Variants in SYTL2 observed in about 807,000 individuals in gnomAD.
SYTL2 encodes the protein synaptotagmin-like protein 2.
A neutral mutation model predicts 198.7 loss-of-function variants in SYTL2; 165 were observed. The observed-to-expected ratio is 0.83, with a 90% confidence interval of 0.73 to 0.94. The LOEUF (loss-of-function observed/expected upper bound fraction) is 0.94, where lower values mean the gene tolerates loss of function less well. SYTL2 is among the 40% of genes least tolerant of loss of function. The pLI, the probability that SYTL2 is intolerant of heterozygous loss-of-function variation, is 0.00. For synonymous variants in SYTL2, 966 were observed against 917.7 expected (o/e 1.05, Z -0.95); for missense variants, 2,835 against 2,582.8 (o/e 1.10, Z -2.12).
chr11:85,836,922 T>C, the SYTL2 span, among the ~76,000 whole-genome samples: 1 of 152,206 alleles, frequency 6.6e-6, no homozygotes, highest in African/African-American at 2.4e-5. Flanking sequence ...TCTGGCATTT[T>C]TAACCCTCAG....
Position 85,725,302 on chromosome 11 carries a change from A to G in SYTL2, c.4056T>C (p.Ile1352=). The G allele has an allele frequency of 6.2e-7, 1 of 1,614,104 alleles. No homozygotes were observed. The highest frequency in any genetic ancestry group is 8.5e-7 in the Non-Finnish European group (1 of 1,179,988). ...GAATGACTTTCTCTACAGTCTCCGA[A>G]ATTTCCGTTTGAGAAGGGTGTACCC... ...QARVHPSQTE[I]SETVEKVILP... is the part of the protein sequence containing the mutation. Residue 1352 remains isoleucine, a synonymous_variant, in exon 8 of 20, where the codon ATT becomes ATC. Coordinates refer to ENST00000359152, the MANE Select transcript of SYTL2 (RefSeq NM_206927.4).
chr11:85,851,147 G>A, the SYTL2 span, among the ~76,000 whole-genome samples: 2 of 151,780 alleles, frequency 1.3e-5, no homozygotes, highest in African/African-American at 4.8e-5. Context: ...TGCACCATGT[G>A]CACATGTACC....
At chr11:85,798,024 T>TC (rs1400677542) in intron 1 of SYTL2, among the ~76,000 whole-genome samples, 1 of 151,394 alleles carries the variant, frequency 6.6e-6, no homozygotes, top group Non-Finnish European at 1.5e-5. Flanking sequence ...AGCTATTTTT[T>TC]TTTTTTTCAT....
intron 3 of SYTL2, among the ~76,000 whole-genome samples, chr11:85,746,369 C>T (rs919010804): frequency 6.6e-6 from 1 of 152,148 alleles, no homozygotes; most frequent in African/African-American, 2.4e-5. Context: ...AGAAAATAAC[C>T]TCTTTTGCCT....
At chr11:85,822,531 G>T in the SYTL2 span, among the ~76,000 whole-genome samples, 1 of 152,184 alleles carries the variant, frequency 6.6e-6, no homozygotes, top group African/African-American at 2.4e-5. Flanking sequence ...TGCCTGCCTG[G>T]ATCTGAGAGC....
At position 85,727,554 on chromosome 11, in the gene SYTL2, C is replaced by A. The variant is rs1010500073; in HGVS notation, c.1804G>T (p.Glu602Ter). ...TTCACATTATTATCTTGGCAACTTT[C>A]AGAAACCAGCATATCTCCCTCTGCT... Reference protein sequence around the residue: ...FQAEGDMLVSESCQDNNVNIK... With the variant: ...FQAEGDMLVS The change falls in exon 8 of 20, where the codon GAA (glutamate) becomes TAA (stop). Residue 602 changes from glutamate to a stop codon, truncating the protein, a stop_gained. Transcript: ENST00000359152. LOFTEE classifies it high-confidence loss of function. 2 of 1,536,048 alleles carry A rather than the reference C, an allele frequency of 1.3e-6. No individual in the cohort carries two copies. The highest frequency in any genetic ancestry group is 2.7e-5 in the African/African-American group (2 of 73,144).
chr11:85,748,281 G>A lies in SYTL2; in HGVS notation c.244C>T (p.Gln82Ter). 6.2e-7 allele frequency: 1 copy of A among 1,613,054 alleles called. No homozygotes were observed. Among genetic ancestry groups the A allele is most frequent in the Non-Finnish European group, 8.5e-7 (1 of 1,179,298 alleles). The change falls in exon 3 of 20, where the codon CAG becomes TAG. Residue 82 changes from glutamine (Q) to a stop codon, truncating the protein, a stop_gained. Transcript: ENST00000359152. LOFTEE classifies it high-confidence loss of function. ...IRASMRKKRP[Q>*]IAAEQSKDRE... ...AGCCAAGTCAACTCACCTGCTATCT[G>A]GGGCCTCTTCTTTCTCATAGATGCT...
chr11:85,699,726 TA>T (rs1317218968), intron 17 of SYTL2, among the ~76,000 whole-genome samples: 1 of 152,208 alleles, frequency 6.6e-6, no homozygotes, highest in Admixed American at 6.5e-5. Flanking sequence ...ATAACATTCA[TA>T]CAGATTCTTA....
the SYTL2 span, among the ~76,000 whole-genome samples, chr11:85,852,361 CCCCTCTCCCTCTCCCCACGGTCT>C: frequency 6.6e-6 from 1 of 151,998 alleles, no homozygotes; most frequent in Admixed American, 6.5e-5. Context: ...CCTCCCCCTC[CCCCTCTCCCTCTCCCCACGGTCT>C]CCCTCTCCCT....
rs577640448 is a variant in SYTL2 at position 85,715,509 on chromosome 11, A to C, written c.5531-1002T>G. On this transcript the variant is annotated intron_variant, in intron 11 of 19. Transcript: ENST00000359152. ...GATATTAAGAAAATAGGTAAAAATCAAATTATATTTATATACATAACACAA... is the reference window on the plus strand; with the variant it reads ...GATATTAAGAAAATAGGTAAAAATCCAATTATATTTATATACATAACACAA... Among the ~76,000 whole-genome samples, 208 of 152,318 alleles carry C rather than the reference A, an allele frequency of 1.4e-3. 1 individual carries two copies. The highest frequency in any genetic ancestry group is 4.7e-3 in the African/African-American group (195 of 41,576).
intron 1 of SYTL2, among the ~76,000 whole-genome samples, chr11:85,777,878 T>A (rs2092483175): frequency 7.1e-6 from 1 of 141,824 alleles, no homozygotes; most frequent in South Asian, 2.3e-4. Context: ...TGGAGTGCAA[T>A]GGCATAATCT....
At chr11:85,825,247 G>A in the SYTL2 span, among the ~76,000 whole-genome samples, 2 of 151,904 alleles carry the variant, frequency 1.3e-5, no homozygotes, top group African/African-American at 2.4e-5. Context: ...AATTAGCCGG[G>A]CGTAGTGGCG....
chr11:85,707,146 G>T (rs2085310101), intron 15 of SYTL2, among the ~76,000 whole-genome samples: 1 of 152,170 alleles, frequency 6.6e-6, no homozygotes, highest in Non-Finnish European at 1.5e-5. Flanking sequence ...CAGCCAAGCT[G>T]TGTGTTTTTA....
At chr11:85,700,766 G>C (rs937649321) in intron 16 of SYTL2, 173 bp from the exon 17 acceptor site, 19 of 523,264 alleles carry the variant, frequency 3.6e-5, no homozygotes, top group Admixed American at 7.2e-5. Flanking sequence ...CTTAATACCT[G>C]GGAAAACTAG....
At chr11:85,782,950 C>A (rs560259563) in intron 1 of SYTL2, among the ~76,000 whole-genome samples, 3 of 152,342 alleles carry the variant, frequency 2.0e-5, no homozygotes, top group African/African-American at 7.2e-5. Context: ...AACTTTCTCA[C>A]ATTTTCCTTT....
chr11:85,841,611 C>A, the SYTL2 span, among the ~76,000 whole-genome samples: 1 of 152,032 alleles, frequency 6.6e-6, no homozygotes, highest in East Asian at 1.9e-4. Context: ...TAAGTGGGAG[C>A]TAAATGATGA....
chr11:85,723,508 T>C (rs2088661663), intron 8 of SYTL2, among the ~76,000 whole-genome samples: 1 of 152,238 alleles, frequency 6.6e-6, no homozygotes, highest in Non-Finnish European at 1.5e-5. Context: ...AATGGGAAAT[T>C]TGTGTCCATC....
intron 1 of SYTL2, among the ~76,000 whole-genome samples, chr11:85,775,643 T>C (rs947042273): frequency 3.3e-5 from 5 of 152,152 alleles, no homozygotes; most frequent in African/African-American, 1.2e-4. Flanking sequence ...CGACCACGCC[T>C]GGCTAATTTT....
In SYTL2 at chr11:85,725,386, C is replaced by T. The variant is rs759606732; in HGVS notation, c.3972G>A (p.Val1324=). The change falls in exon 8 of 20, where the codon GTG becomes GTA. Residue 1324 remains valine (V), a synonymous_variant. Coordinates refer to ENST00000359152, the MANE Select transcript of SYTL2 (RefSeq NM_206927.4). ...QLSRKGSFGD[V]ASPPQDMLFP... ...AAAGCATATCTTGGGGAGGGCTGGC[C>T]ACATCCCCAAAAGAACCCTTTCTGG... is the stretch of plus-strand genomic sequence containing the variant. 1.2e-6 allele frequency: 2 copies of T among 1,613,890 alleles called. No individual in the cohort carries two copies. The highest frequency in any genetic ancestry group is 1.3e-5 in the African/African-American group (1 of 74,922).
Sources: gnomAD v4.1 joint callset for allele counts (sites outside exome capture counted in the v4.1 genomes callset) on GRCh38, gnomAD v4.1.1 for gene constraint, MANE v1.5 for transcripts, NCBI Gene and HGNC (gene_info 2026-07-23, HGNC 2026-07-21) for gene names.